The following SEL1L3 variants were observed in gnomAD, a reference collection of about 807,000 sequenced individuals.
SEL1L3 encodes protein sel-1 homolog 3.
SEL1L3 carries 76 observed loss-of-function variants against 142.8 expected under a neutral mutation model. The observed-to-expected ratio is 0.53, with a 90% CI of 0.44 to 0.64. The LOEUF (loss-of-function observed/expected upper bound fraction) is 0.64. SEL1L3 is among the 30% of genes least tolerant of loss of function. The pLI, the probability that SEL1L3 is intolerant of heterozygous loss-of-function variation, is 0.00. For synonymous variants in SEL1L3, 504 were observed against 519.6 expected (o/e 0.97, Z 0.41); for missense variants, 1,262 against 1,381.7 (o/e 0.91, Z 1.37).
At chr4:25,779,995 C>T (rs1299681964) in intron 15 of SEL1L3, among the ~76,000 whole-genome samples, 2 of 152,164 alleles carry the variant, frequency 1.3e-5, no homozygotes, top group African/African-American at 4.8e-5. Context: ...ATAACACATT[C>T]TCAAGGTTTA....
At chr4:25,748,619 T>G (rs777133318) in intron 23 of SEL1L3, 55 bp from the exon 24 acceptor site, 4 of 1,561,694 alleles carry the variant, frequency 2.6e-6, no homozygotes, top group Non-Finnish European at 3.5e-6. Context: ...GCATTCAGAA[T>G]GTACAACCAC....
chr4:25,781,543 C>T lies in SEL1L3; in HGVS notation c.2457+699G>A, dbSNP rs111347730. Among the ~76,000 whole-genome samples the T allele has an allele frequency of 2.9e-3, 446 of 152,272 alleles. 1 individual carries two copies. The highest frequency in any genetic ancestry group is 0.01 in the African/African-American group (419 of 41,572). ...ATCCCAGTTACTCCAGAGGCTGAGG[C>T]ATGAGAATCGTTTTTATTTTTAACG... On this transcript the variant is annotated intron_variant, in intron 15 of 23. Coordinates refer to ENST00000399878, the MANE Select transcript of SEL1L3 (RefSeq NM_015187.5).
the SEL1L3 span, among the ~76,000 whole-genome samples, chr4:25,721,550 G>A: frequency 6.6e-6 from 1 of 152,172 alleles, no homozygotes; most frequent in Non-Finnish European, 1.5e-5. Flanking sequence ...TGCTGGGGGT[G>A]TCTCAGAATT....
intron 10 of SEL1L3, 94 bp from the exon 11 acceptor site, chr4:25,802,556 C>T: frequency 1.0e-6 from 1 of 980,554 alleles, no homozygotes; most frequent in South Asian, 1.7e-5. Context: ...TTCCTATATA[C>T]AATCCTAGCC....
chr4:25,714,753 G>A, the SEL1L3 span, among the ~76,000 whole-genome samples: 1 of 151,660 alleles, frequency 6.6e-6, no homozygotes, highest in African/African-American at 2.4e-5. Context: ...GTATTTTTTA[G>A]TCGAGATGGG....
chr4:25,750,277 C>T (rs1294800915), intron 23 of SEL1L3, among the ~76,000 whole-genome samples: 2 of 151,306 alleles, frequency 1.3e-5, no homozygotes, highest in Non-Finnish European at 1.5e-5. Flanking sequence ...GAAACCCAGC[C>T]ACAATGGCTG....
rs775598841 is a variant in SEL1L3, at chr4:25,757,818, C to T, written c.3084-28G>A. ...GCAGACAAAGCCCAGGGCATCTTGA[C>T]GTGTCAGCCAACTTTGGTGGCACGA... is the stretch of plus-strand genomic sequence containing the variant. On this transcript the variant is annotated intron_variant, in intron 21 of 23. Transcript: ENST00000399878. The T allele has an allele frequency of 1.5e-5, 23 of 1,528,560 alleles. No individual in the cohort carries two copies. The East Asian group carries it at 2.7e-4, about 18-fold the overall frequency. 94.7% of individuals were successfully genotyped at this position (1,528,560 alleles called of 1,614,324 possible). A position where few individuals can be genotyped will look rare whatever the true frequency, so the allele number is the denominator to read the frequency against.
At chr4:25,863,288 T>A, upstream of SEL1L3, 1 of 234,794 alleles carries the variant, frequency 4.3e-6, no homozygotes, top group South Asian at 2.9e-5. Context: ...CTCTCTGCGA[T>A]CCCCCTCCTC....
chr4:25,734,192 GT>G, the SEL1L3 span, among the ~76,000 whole-genome samples: 1 of 151,820 alleles, frequency 6.6e-6, no homozygotes, highest in Admixed American at 6.6e-5. Flanking sequence ...CCCAGCTAAT[GT>G]TTTTTGTTTG....
chr4:25,793,212 C>T (rs1161707561), intron 11 of SEL1L3, among the ~76,000 whole-genome samples: 2 of 152,074 alleles, frequency 1.3e-5, no homozygotes, highest in Non-Finnish European at 2.9e-5. Context: ...CATCCTTTGC[C>T]CAGCCTTACC....
chr4:25,782,183 C>T, intron 15 of SEL1L3, 59 bp downstream of exon 15: 2 of 1,509,286 alleles, frequency 1.3e-6, no homozygotes, highest in South Asian at 2.4e-5. Flanking sequence ...GTACCTTCAA[C>T]AAATGCTTCA....
intron 1 of SEL1L3, among the ~76,000 whole-genome samples, chr4:25,858,334 T>G (rs1326361482): frequency 2.0e-5 from 3 of 152,206 alleles, no homozygotes; most frequent in Non-Finnish European, 4.4e-5. Context: ...CAAATATTCA[T>G]AATACCTCTC....
chr4:25,740,148 T>C, the SEL1L3 span, among the ~76,000 whole-genome samples: 1 of 151,460 alleles, frequency 6.6e-6, no homozygotes, highest in South Asian at 2.1e-4. Context: ...ATCTAGTTCC[T>C]AGTGGCCGGG....
intron 2 of SEL1L3, among the ~76,000 whole-genome samples, chr4:25,846,881 C>G (rs1716543569): frequency 7.2e-6 from 1 of 139,182 alleles, no homozygotes; most frequent in Non-Finnish European, 1.5e-5. Context: ...CCACTGCACT[C>G]CAGCCTGGGC....
At chr4:25,830,300 T>C (rs1383221415) in intron 5 of SEL1L3, 144 bp from the exon 6 acceptor site, 6 of 565,912 alleles carry the variant, frequency 1.1e-5, no homozygotes, top group Middle Eastern at 2.6e-4. Flanking sequence ...AACAGTTTAC[T>C]AGCCCTGTGC....
chr4:25,734,766 G>A, the SEL1L3 span, among the ~76,000 whole-genome samples: 5 of 150,528 alleles, frequency 3.3e-5, no homozygotes, highest in East Asian at 6.0e-4. Context: ...ACAGGGTTTC[G>A]CCATGTTGGT....
the SEL1L3 span, among the ~76,000 whole-genome samples, chr4:25,727,332 A>G: frequency 0.74 from 113,039 of 152,076 alleles, 42,296 homozygotes; most frequent in African/African-American, 0.8. Context: ...GATTACAGGC[A>G]TGAGCCACCA....
At chr4:25,842,782 GTCCCCTGGC>G (rs1336040704) in intron 2 of SEL1L3, among the ~76,000 whole-genome samples, 1 of 151,892 alleles carries the variant, frequency 6.6e-6, no homozygotes, top group Admixed American at 6.5e-5. Context: ...AAGCAAACAA[GTCCCCTGGC>G]CTCATGGAGC....
chr4:25,724,736 C>CAAAAAAAAAAAAA, the SEL1L3 span, among the ~76,000 whole-genome samples: 1 of 6,004 alleles, frequency 1.7e-4, no homozygotes, highest in African/African-American at 1.0e-3. Flanking sequence ...GACTCCAACT[C>CAAAAAAAAAAAAA]AAAAAAAAAA....
Sources: gnomAD v4.1 joint callset for allele counts (sites outside exome capture counted in the v4.1 genomes callset) on GRCh38, gnomAD v4.1.1 for gene constraint, MANE v1.5 for transcripts, NCBI Gene and HGNC (gene_info 2026-07-23, HGNC 2026-07-21) for gene names.